Variants in PRLR observed in about 807,000 individuals in gnomAD.
PRLR encodes the protein hPRL receptor.
In PRLR, 13 loss-of-function variants were observed where a neutral mutation model predicts 40.2. That is an observed-to-expected ratio of 0.32 (90% CI 0.21 to 0.51). PRLR has a LOEUF of 0.51. PRLR is among the 20% of genes least tolerant of loss of function. The pLI is 0.97. For missense variants in PRLR, 656 were observed against 747.3 expected (o/e 0.88, Z 1.42); for synonymous variants, 269 against 278.7 (o/e 0.97, Z 0.35).
intron 3 of PRLR, among the ~76,000 whole-genome samples, chr5:35,086,613 C>A (rs1026054016): frequency 2.6e-5 from 4 of 151,288 alleles, no homozygotes; most frequent in Non-Finnish European, 5.9e-5. Flanking sequence ...ATGGAGATAA[C>A]AATAGCCTAG....
chr5:35,211,056 T>C (rs1254972216), intron 1 of PRLR, among the ~76,000 whole-genome samples: 1 of 152,184 alleles, frequency 6.6e-6, no homozygotes, highest in Non-Finnish European at 1.5e-5. Flanking sequence ...ATAATTTCTA[T>C]ACAAAGAAGG....
chr5:35,110,587 C>G (rs1772596959), intron 2 of PRLR, among the ~76,000 whole-genome samples: 1 of 152,232 alleles, frequency 6.6e-6, no homozygotes, highest in Non-Finnish European at 1.5e-5. Flanking sequence ...CCAAGCAATC[C>G]TGCAATCAGC....
chr5:35,146,158 G>A (rs1327335764), intron 1 of PRLR, among the ~76,000 whole-genome samples: 1 of 152,142 alleles, frequency 6.6e-6, no homozygotes, highest in Non-Finnish European at 1.5e-5. Context: ...GTCCTTGTAG[G>A]CATTTGATTT....
chr5:35,075,714 G>T (rs1770044161), intron 5 of PRLR, among the ~76,000 whole-genome samples: 1 of 152,212 alleles, frequency 6.6e-6, no homozygotes, highest in Non-Finnish European at 1.5e-5. Flanking sequence ...CAGAGTTTGA[G>T]ATCTGAGAAC....
At chr5:35,206,716 A>G (rs144862537) in intron 1 of PRLR, among the ~76,000 whole-genome samples, 196 of 152,254 alleles carry the variant, frequency 1.3e-3, no homozygotes, top group African/African-American at 4.6e-3. Context: ...GTAGAAATAA[A>G]AAGAAGGGTG....
chr5:35,103,211 G>A (rs1772009199), intron 2 of PRLR, among the ~76,000 whole-genome samples: 1 of 152,174 alleles, frequency 6.6e-6, no homozygotes, highest in South Asian at 2.1e-4. Flanking sequence ...ATGCATTTCT[G>A]TGTCCCAAAG....
intron 1 of PRLR, among the ~76,000 whole-genome samples, chr5:35,160,415 C>G (rs1056839295): frequency 6.6e-6 from 1 of 152,124 alleles, no homozygotes; most frequent in African/African-American, 2.4e-5. Context: ...CTGCTCTTAC[C>G]TTTAGTGGTC....
At chr5:35,200,450 C>T (rs1297635584) in intron 1 of PRLR, among the ~76,000 whole-genome samples, 1 of 152,176 alleles carries the variant, frequency 6.6e-6, no homozygotes, top group African/African-American at 2.4e-5. Context: ...AGTGCTTTGT[C>T]CAGCAGTCAG....
chr5:35,065,852 G>A lies in PRLR; in HGVS notation c.1106C>T (p.Ala369Val), dbSNP rs753008754. 4.3e-6 allele frequency: 7 copies of A among 1,614,092 alleles called. No homozygotes were observed. In the South Asian group the frequency reaches 6.6e-5, roughly 15 times the overall value. The change falls in exon 10 of 10, where the codon GCC becomes GTC. Residue 369 changes from alanine (A) to valine (V), a missense_variant. Around this residue, in one of 3 missense-constraint regions of PRLR, gnomAD observed 469 missense variants for 491.5 expected, o/e 0.95. Coordinates refer to ENST00000618457, the MANE Select transcript of PRLR (RefSeq NM_000949.7). ...LLSEKCEEPQ[A>V]NPSTFYDPEV... ...AGGATCATAGAATGTGGAGGGATTG[G>A]CCTGGGGTTCCTCACACTTTTCAGA...
intron 1 of PRLR, among the ~76,000 whole-genome samples, chr5:35,156,334 G>T (rs1774505948): frequency 6.6e-6 from 1 of 151,828 alleles, no homozygotes; most frequent in Non-Finnish European, 1.5e-5. Context: ...GTCTGCGTTA[G>T]CCTCCCAATG....
chr5:35,169,308 T>C (rs1304556444), intron 1 of PRLR, among the ~76,000 whole-genome samples: 1 of 152,272 alleles, frequency 6.6e-6, no homozygotes, highest in East Asian at 1.9e-4. Context: ...AGTTCTTTCT[T>C]ATTGGTTTAT....
chr5:35,202,747 TA>T (rs1156917476), intron 1 of PRLR, among the ~76,000 whole-genome samples: 1 of 152,112 alleles, frequency 6.6e-6, no homozygotes, highest in Non-Finnish European at 1.5e-5. Context: ...CTTTCTACTT[TA>T]AAAAAATATG....
chr5:35,071,674 T>C (rs2112399526), intron 6 of PRLR, among the ~76,000 whole-genome samples: 1 of 149,148 alleles, frequency 6.7e-6, no homozygotes, highest in South Asian at 2.4e-4. Flanking sequence ...CTCAGCCCAC[T>C]GAAATCTCTG....
At chr5:35,180,566 CTCTTT>C (rs1043072949) in intron 1 of PRLR, among the ~76,000 whole-genome samples, 14 of 152,058 alleles carry the variant, frequency 9.2e-5, no homozygotes, top group African/African-American at 2.9e-4. Context: ...CCAATTAAAC[CTCTTT>C]TCTTTTCTTT....
chr5:35,054,106 T>G (rs913155279), downstream of PRLR, among the ~76,000 whole-genome samples: 4 of 152,222 alleles, frequency 2.6e-5, no homozygotes, highest in Admixed American at 2.0e-4. Context: ...AAAATAACAA[T>G]GCATCATTTT....
rs553276395 is a variant in PRLR, at chr5:35,132,224, G to T, written c.-105-14102C>A. Among the ~76,000 whole-genome samples the T allele has an allele frequency of 1.7e-3, 257 of 152,160 alleles. 1 individual carries two copies. The highest frequency in any genetic ancestry group is 0.013 in the South Asian group (62 of 4,822). On this transcript the variant is annotated intron_variant, in intron 1 of 9. Coordinates refer to ENST00000618457, the MANE Select transcript of PRLR (RefSeq NM_000949.7). ...AATAAATTAAACCTTCATGTTCTAG[G>T]TCTTTAGGAAAAGCATTTTGTGGTC...
intron 1 of PRLR, among the ~76,000 whole-genome samples, chr5:35,193,693 A>G (rs1579787628): frequency 6.6e-6 from 1 of 152,242 alleles, no homozygotes; most frequent in African/African-American, 2.4e-5. Context: ...CATGGGAGCT[A>G]CTGCTATTGT....
In PRLR at chr5:35,127,400, G is replaced by C. The variant is rs112287613; in HGVS notation, c.-105-9278C>G. Among the ~76,000 whole-genome samples the C allele has an allele frequency of 2.6e-3, 392 of 152,276 alleles. 4 individuals are homozygous for C. Among genetic ancestry groups the C allele is most frequent in the African/African-American group, 9.0e-3 (376 of 41,554 alleles). On this transcript the variant is annotated intron_variant, in intron 1 of 9. Transcript: ENST00000618457. ...CAGATGTAAATATCATGACATTATTGTGCTATCACCATTACATCATCCTGC... is the reference window on the plus strand; with the variant it reads ...CAGATGTAAATATCATGACATTATTCTGCTATCACCATTACATCATCCTGC...
intron 2 of PRLR, among the ~76,000 whole-genome samples, chr5:35,091,487 G>T (rs1019937369): frequency 1.3e-5 from 2 of 152,216 alleles, no homozygotes; most frequent in African/African-American, 4.8e-5. Context: ...GAAGTACAGA[G>T]ATTTAGTAGA....
Sources: gnomAD v4.1 joint callset for allele counts (sites outside exome capture counted in the v4.1 genomes callset) on GRCh38, gnomAD v4.1.1 for gene constraint, gnomAD v4.1.1 regional missense constraint, MANE v1.5 for transcripts, NCBI Gene and HGNC (gene_info 2026-07-23, HGNC 2026-07-21) for gene names.